TDRD12: variants seen among roughly 807,000 people sequenced by gnomAD.
TDRD12 encodes tudor domain containing 12.
A neutral mutation model predicts 133.5 loss-of-function variants in TDRD12; 158 were observed. The observed-to-expected ratio is 1.18, with a 90% CI of 1.04 to 1.35. The LOEUF (loss-of-function observed/expected upper bound fraction) is 1.35. TDRD12 is among the 40% of genes most tolerant of loss of function. The pLI, the probability that TDRD12 is intolerant of heterozygous loss-of-function variation, is 0.00. For synonymous variants in TDRD12, 460 were observed against 477.9 expected, an observed-to-expected ratio of 0.96 and a Z score of 0.49; for missense variants, 1,443 against 1,321.3, an observed-to-expected ratio of 1.09 and a Z score of -1.43.
chr19:32,740,861 C>A (rs1969404672), intron 3 of TDRD12, among the ~76,000 whole-genome samples: 1 of 152,158 alleles, frequency 6.6e-6, no homozygotes, highest in African/African-American at 2.4e-5. Context: ...TGAGCTGTTG[C>A]CAAGATGGTG....
exon 23 of TDRD12, chr19:32,810,113 G>C: frequency 6.6e-7 from 1 of 1,520,806 alleles, no homozygotes. Context: ...TTTATATTTT[G>C]AATGCAACAA....
At chr19:32,801,734 G>T in intron 18 of TDRD12, 22 bp from the exon 19 acceptor site, 1 of 981,318 alleles carries the variant, frequency 1.0e-6, no homozygotes. Flanking sequence ...CTGTGACCTG[G>T]CCTCTTTGAT....
intron 1 of TDRD12, among the ~76,000 whole-genome samples, chr19:32,721,679 CTATTTTATTTTATTTTATTTTATTT>C (rs58024880): frequency 7.9e-6 from 1 of 126,152 alleles, no homozygotes; most frequent in African/African-American, 3.3e-5. Context: ...CGTGCCTGGC[CTATTTTATTTTATTTTATTTTATTT>C]TATTTTATTT....
exon 1 of TDRD12, chr19:32,719,990 CG>C: frequency 6.7e-7 from 1 of 1,501,040 alleles, no homozygotes; most frequent in Non-Finnish European, 9.0e-7. Flanking sequence ...GGGGCCTGGC[CG>C]GGGCGGACGC....
At chr19:32,800,575 C>G (rs1276008488) in intron 17 of TDRD12, 69 bp from the exon 18 acceptor site, 32 of 1,333,478 alleles carry the variant, frequency 2.4e-5, no homozygotes, top group Non-Finnish European at 3.2e-5. Flanking sequence ...AATCCCAACA[C>G]CTGTGGAAAG....
chr19:32,724,400 C>A (rs1057512042), intron 1 of TDRD12, among the ~76,000 whole-genome samples: 3 of 152,058 alleles, frequency 2.0e-5, no homozygotes. Flanking sequence ...CCATAGGCCC[C>A]AGTGTGTGGT....
At chr19:32,810,172 T>C (rs1406791670) in exon 23 of TDRD12, 2 of 1,535,722 alleles carry the variant, frequency 1.3e-6, no homozygotes, top group African/African-American at 2.7e-5. Context: ...TATGCAACTC[T>C]CAATGCTGAA....
In TDRD12 at chr19:32,757,059, C is replaced by T. The variant is rs75257288; in HGVS notation, c.794C>T (p.Pro265Leu). ...TCAGATTCACATGGTGTAAATTTTC[C>T]GGCACAATCTCTGCAACATACATGG... Residue 265 changes from proline to leucine, a missense_variant, in exon 8 of 28, where the codon CCG becomes CTG. Coordinates refer to ENST00000444215, the Ensembl canonical transcript of TDRD12. 3,863 of 1,551,600 alleles carry T rather than the reference C, an allele frequency of 2.5e-3. 59 individuals are homozygous for T. The African/African-American group carries it at 0.041, about 16-fold the overall frequency.
At chr19:32,801,775 T>G (rs1180731973) in exon 19 of TDRD12, 2 of 1,426,988 alleles carry the variant, frequency 1.4e-6, no homozygotes, top group South Asian at 2.6e-5. Context: ...AGCAGTTCAA[T>G]ATTTTGCTTG....
intron 8 of TDRD12, among the ~76,000 whole-genome samples, chr19:32,769,753 C>T (rs1157498133): frequency 6.6e-6 from 1 of 152,094 alleles, no homozygotes; most frequent in Non-Finnish European, 1.5e-5. Context: ...TCTCCTGCCT[C>T]AGCCTCCTGA....
Position 32,801,755 on chromosome 19 carries a change from G to A in TDRD12, c.2080-1G>A. On this transcript the variant is annotated splice_acceptor_variant, in intron 18 of 27. Coordinates refer to ENST00000444215, the Ensembl canonical transcript of TDRD12. LOFTEE classifies it high-confidence loss of function. ...CCTGGCCTCTTTGATTTCATCTTTA[G>A]GTAGTAGAAAGCAGTTCAATATTTT... 1 of 1,243,122 alleles carries A rather than the reference G, an allele frequency of 8.0e-7. No homozygotes were observed. The highest frequency in any genetic ancestry group is 1.4e-5 in the South Asian group (1 of 69,288). The allele number at this position is 1,243,122 out of a possible 1,614,324, so 77.0% of individuals were successfully genotyped here.
intron 4 of TDRD12, among the ~76,000 whole-genome samples, chr19:32,743,924 A>G: frequency 6.6e-6 from 1 of 151,136 alleles, no homozygotes; most frequent in East Asian, 2.0e-4. Context: ...GCTACTCAGG[A>G]GGCTGAGGCA....
At chr19:32,731,993 A>G in intron 2 of TDRD12, 110 bp downstream of exon 2, 1 of 1,129,602 alleles carries the variant, frequency 8.9e-7, no homozygotes, top group Non-Finnish European at 1.2e-6. Context: ...AGTTTCTTAC[A>G]CTCAGTGCCT....
chr19:32,827,370 TTC>T (rs1967625655), exon 10 of TDRD12: 7 of 374,782 alleles, frequency 1.9e-5, no homozygotes, highest in Non-Finnish European at 2.6e-5. Flanking sequence ...TTCTTTTCTT[TTC>T]TTTTTTTTTT....
intron 27 of TDRD12, among the ~76,000 whole-genome samples, chr19:32,819,715 G>C (rs1364576558): frequency 2.0e-5 from 3 of 152,218 alleles, no homozygotes; most frequent in African/African-American, 7.2e-5. Flanking sequence ...CTGGAGAACA[G>C]GGGATCCTGA....
At chr19:32,813,700 A>G in exon 25 of TDRD12, 2 of 1,532,068 alleles carry the variant, frequency 1.3e-6, no homozygotes, top group Non-Finnish European at 1.7e-6. Context: ...AGGTACATTC[A>G]TCATAAAATT....
intron 6 of TDRD12, among the ~76,000 whole-genome samples, chr19:32,753,670 A>ATT (rs61178379): frequency 1.8e-4 from 24 of 130,458 alleles, no homozygotes; most frequent in South Asian, 2.5e-4. Context: ...CACCTGGCTA[A>ATT]TTTTTTTTTT....
At chr19:32,757,928 A>G (rs1970042878) in intron 8 of TDRD12, among the ~76,000 whole-genome samples, 1 of 152,186 alleles carries the variant, frequency 6.6e-6, no homozygotes. Flanking sequence ...TACTTTGGTA[A>G]TGTTGCTTAT....
intron 9 of TDRD12, 79 bp from the exon 10 acceptor site, chr19:32,773,377 A>G: frequency 1.6e-6 from 2 of 1,235,886 alleles, no homozygotes; most frequent in Non-Finnish European, 2.3e-6. Flanking sequence ...AATAACTCCC[A>G]TGGAATTTTG....
Sources: gnomAD v4.1 joint callset for allele counts (sites outside exome capture counted in the v4.1 genomes callset) on GRCh38, gnomAD v4.1.1 for gene constraint, MANE v1.5 for transcripts, NCBI Gene and HGNC (gene_info 2026-07-23, HGNC 2026-07-21) for gene names.